Variants in CACNG7 observed in about 807,000 individuals in gnomAD.
CACNG7 encodes calcium voltage-gated channel auxiliary subunit gamma 7, also known as voltage-dependent calcium channel gamma-7 subunit.
A neutral mutation model predicts 26.3 loss-of-function variants in CACNG7; 9 were observed. The observed-to-expected ratio is 0.34, with a 90% CI of 0.21 to 0.60. CACNG7 has a LOEUF of 0.60. Among genes scored for constraint, CACNG7 ranks in the 20% least tolerant of loss-of-function variants. The pLI is 0.81. For synonymous variants in CACNG7, 170 were observed against 157.0 expected, an observed-to-expected ratio of 1.08 and a Z score of -0.62; for missense variants, 297 against 380.4, an observed-to-expected ratio of 0.78 and a Z score of 1.82.
At chr19:53,941,805 G>T (rs1392827197) in intron 5 of CACNG7, 190 bp downstream of exon 5, 24 of 876,384 alleles carry the variant, frequency 2.7e-5, no homozygotes, top group Non-Finnish European at 3.7e-5. Flanking sequence ...TGGGATCCTG[G>T]GGGAGGAGGG....
chr19:53,929,538 C>A (rs2069057280), intron 4 of CACNG7, among the ~76,000 whole-genome samples: 1 of 152,156 alleles, frequency 6.6e-6, no homozygotes, highest in Non-Finnish European at 1.5e-5. Context: ...CTCACCGCAA[C>A]CTCCACCTCC....
intron 4 of CACNG7, among the ~76,000 whole-genome samples, chr19:53,916,765 G>T (rs2068901544): frequency 6.7e-6 from 1 of 148,654 alleles, no homozygotes; most frequent in Non-Finnish European, 1.5e-5. Flanking sequence ...CTCCCAAAGT[G>T]CTGGGATTAC....
intron 4 of CACNG7, among the ~76,000 whole-genome samples, chr19:53,938,481 G>A (rs561606823): frequency 2.0e-4 from 31 of 152,182 alleles, no homozygotes; most frequent in African/African-American, 7.5e-4. Context: ...TTTCTGTAAA[G>A]AGCCAAATAA....
intron 4 of CACNG7, among the ~76,000 whole-genome samples, chr19:53,920,626 TCTGGTCATTGGTGGAGTTGCCCCAGG>T (rs2068937608): frequency 5.1e-5 from 3 of 58,564 alleles, no homozygotes; most frequent in East Asian, 5.0e-4. Context: ...TTGCCCCAGG[TCTGGTCATTGGTGGAGTTGCCCCAGG>T]CTGGTCATTG....
chr19:53,933,424 T>G (rs575110744), intron 4 of CACNG7, among the ~76,000 whole-genome samples: 1 of 151,186 alleles, frequency 6.6e-6, no homozygotes, highest in South Asian at 2.1e-4. Context: ...CTCAGCCTCC[T>G]GAGTAGCTGG....
At chr19:53,930,776 A>G (rs1157893661) in intron 4 of CACNG7, among the ~76,000 whole-genome samples, 1 of 152,002 alleles carries the variant, frequency 6.6e-6, no homozygotes, top group Non-Finnish European at 1.5e-5. Flanking sequence ...AAGTGTTGGG[A>G]TTATAGGTGT....
intron 3 of CACNG7, among the ~76,000 whole-genome samples, 191 bp from the exon 4 acceptor site, chr19:53,915,174 C>T (rs2068887671): frequency 6.6e-6 from 1 of 151,078 alleles, no homozygotes; most frequent in Admixed American, 6.6e-5. Flanking sequence ...TGTGAGGGGG[C>T]GTGGCAGGCT....
rs2069123852 is a variant in CACNG7, at chr19:53,939,295, A to C, written c.425-2175A>C. 6.6e-6 allele frequency among the ~76,000 whole-genome samples: 1 copy of C among 152,188 alleles called. No individual in the cohort carries two copies. The highest frequency in any genetic ancestry group is 6.6e-5 in the Admixed American group (1 of 15,266). Reference sequence around the variant, plus strand: ...AAAACAAAAAACAAAATTGAGATGTAATTCACATACTATAAATTTCATATA... The same window carrying C: ...AAAACAAAAAACAAAATTGAGATGTCATTCACATACTATAAATTTCATATA... On this transcript the variant is annotated intron_variant, in intron 4 of 5. Transcript: ENST00000391767. This position sits in a 1 kb window ranked among gnomAD's most constrained non-coding sequence, Gnocchi z 4.2.
At chr19:53,925,336 G>A (rs538762366) in intron 4 of CACNG7, among the ~76,000 whole-genome samples, 4 of 150,218 alleles carry the variant, frequency 2.7e-5, no homozygotes, top group African/African-American at 9.9e-5. Context: ...CCTGGTCATT[G>A]GTGGAGTTGC....
chr19:53,932,224 A>G (rs142706065), intron 4 of CACNG7, among the ~76,000 whole-genome samples: 8,672 of 148,278 alleles, frequency 0.058, 891 homozygotes, highest in African/African-American at 0.21. Flanking sequence ...ACTGCACTCC[A>G]GCCTGGGCAA....
intron 1 of CACNG7, among the ~76,000 whole-genome samples, chr19:53,911,949 G>A (rs897896876): frequency 6.6e-6 from 1 of 152,168 alleles, no homozygotes; most frequent in Non-Finnish European, 1.5e-5. Context: ...TAGGGCTGAG[G>A]TCAAGGGTGT....
intron 4 of CACNG7, among the ~76,000 whole-genome samples, chr19:53,923,313 G>T (rs1281326100): frequency 5.0e-5 from 6 of 120,012 alleles, no homozygotes; most frequent in South Asian, 3.2e-4. Flanking sequence ...GTTGACTCAG[G>T]CTGGTCATTG....
At position 53,912,775 on chromosome 19, in the gene CACNG7, G is replaced by C. The variant is rs545497751; in HGVS notation, c.-29-28G>C. On this transcript the variant is annotated intron_variant, in intron 1 of 5. Transcript: ENST00000391767. This position sits in a 1 kb window ranked among gnomAD's most constrained non-coding sequence, Gnocchi z 4.6. ...CAAGCACTCTGGTCGGTCCCATGGA[G>C]CTCTGCACTGTAGCTTCCCTTCCAC... The C allele has an allele frequency of 2.3e-4, 359 of 1,580,366 alleles. No individual in the cohort carries two copies. Among genetic ancestry groups the C allele is most frequent in the Non-Finnish European group, 3.0e-4 (348 of 1,158,952 alleles).
rs1186772512 is a variant in CACNG7 at position 53,919,446 on chromosome 19, AGT to A, written c.424+3942_424+3943del. On this transcript the variant is annotated intron_variant, in intron 4 of 5. Transcript: ENST00000391767. ...CTTGCCCCAGGCTGGTCATTGGTGGAGTTGCCCCAGGCTGGTCATTGGTGGAC... is the reference window on the plus strand; with the variant it reads ...CTTGCCCCAGGCTGGTCATTGGTGGATGCCCCAGGCTGGTCATTGGTGGAC... Among the ~76,000 whole-genome samples the A allele has an allele frequency of 2.7e-5, 4 of 145,846 alleles. No individual in the cohort carries two copies. In the Admixed American group the frequency reaches 2.7e-4, roughly 10 times the overall value.
intron 1 of CACNG7, among the ~76,000 whole-genome samples, chr19:53,910,629 AC>A (rs2068856421): frequency 6.7e-6 from 1 of 150,268 alleles, no homozygotes; most frequent in South Asian, 2.1e-4. Context: ...CCAAGTTGAG[AC>A]CCCCAAATCA....
At chr19:53,922,933 C>G (rs2068975581) in intron 4 of CACNG7, among the ~76,000 whole-genome samples, 1 of 91,110 alleles carries the variant, frequency 1.1e-5, no homozygotes, top group Non-Finnish European at 1.9e-5. Flanking sequence ...GGAGTTGTCC[C>G]AGGTCTGGTC....
intron 4 of CACNG7, among the ~76,000 whole-genome samples, chr19:53,924,193 T>G (rs2145909063): frequency 3.0e-5 from 4 of 131,728 alleles, no homozygotes; most frequent in Admixed American, 7.8e-5. Flanking sequence ...TGGTCATTGG[T>G]GGAGTTGTCC....
intron 4 of CACNG7, among the ~76,000 whole-genome samples, chr19:53,918,525 C>A (rs1473275490): frequency 6.6e-6 from 1 of 152,094 alleles, no homozygotes; most frequent in Non-Finnish European, 1.5e-5. Flanking sequence ...AGCTCACAAA[C>A]CATACAAAAG....
intron 4 of CACNG7, among the ~76,000 whole-genome samples, chr19:53,916,703 T>G (rs1179111648): frequency 1.3e-5 from 2 of 150,974 alleles, no homozygotes; most frequent in Non-Finnish European, 2.9e-5. Flanking sequence ...TTTCTTCATG[T>G]TCGTCAGGCT....
Sources: gnomAD v4.1 joint callset for allele counts (sites outside exome capture counted in the v4.1 genomes callset) on GRCh38, gnomAD v4.1.1 for gene constraint, Gnocchi (gnomAD v3.1) non-coding constraint, MANE v1.5 for transcripts, NCBI Gene and HGNC (gene_info 2026-07-23, HGNC 2026-07-21) for gene names.